The following KLHL6 variants were observed in gnomAD, a reference collection of about 807,000 sequenced individuals.
KLHL6 encodes kelch-like protein 6.
A neutral mutation model predicts 58.6 loss-of-function variants in KLHL6; 41 were observed. The ratio of observed to expected loss-of-function variants is 0.70; its 90% CI spans 0.55 to 0.91. The LOEUF (loss-of-function observed/expected upper bound fraction) is 0.91. Among genes scored for constraint, KLHL6 ranks in the 40% least tolerant of loss-of-function variants. The pLI is 0.00. For missense variants in KLHL6, 714 were observed against 805.6 expected (o/e 0.89, Z 1.38); for synonymous variants, 338 against 322.7 (o/e 1.05, Z -0.51).
At chr3:183,547,907 G>A (rs1255305750) in intron 1 of KLHL6, among the ~76,000 whole-genome samples, 1 of 152,120 alleles carries the variant, frequency 6.6e-6, no homozygotes, top group East Asian at 1.9e-4. Context: ...TGACCCCTCA[G>A]CTCCCCAAGA....
intron 3 of KLHL6, among the ~76,000 whole-genome samples, chr3:183,504,786 A>G (rs953321433): frequency 6.6e-6 from 1 of 152,176 alleles, no homozygotes; most frequent in African/African-American, 2.4e-5. Flanking sequence ...AGATTATTTC[A>G]TCATCCGTAT....
intron 5 of KLHL6, chr3:183,493,632 G>A (rs1717632411): frequency 6.0e-6 from 1 of 165,352 alleles, no homozygotes; most frequent in Non-Finnish European, 1.3e-5. Context: ...TCATCCATGG[G>A]AAAATAAAGA....
intron 2 of KLHL6, among the ~76,000 whole-genome samples, chr3:183,527,043 G>A (rs1711996057): frequency 6.6e-6 from 1 of 151,902 alleles, no homozygotes; most frequent in Non-Finnish European, 1.5e-5. Context: ...AGGTTGCAGG[G>A]GGCCAAGATG....
At position 183,491,934 on chromosome 3, in the gene KLHL6, G is replaced by C; in HGVS notation, c.1859C>G (p.Ser620Cys). 6.7e-7 allele frequency: 1 copy of C among 1,488,904 alleles called. No homozygotes were observed. Among genetic ancestry groups the C allele is most frequent in the Non-Finnish European group, 9.0e-7 (1 of 1,116,122 alleles). 92.2% of individuals were successfully genotyped at this position (1,488,904 alleles called of 1,614,324 possible). Residue 620 changes from serine to cysteine, a missense_variant, in exon 7 of 7, where the codon TCT becomes TGT. By Grantham distance (112) the Ser-to-Cys change is moderately radical. Around this residue, in one of 2 missense-constraint regions of KLHL6, gnomAD observed 510 missense variants for 629.7 expected, o/e 0.81. Transcript: ENST00000341319. Reference sequence around the variant, plus strand: ...CAGCTCCCCATCCTGCCGTCAGACAGACACTGCTCCGGGCACGATCCTGCG... The same window carrying C: ...CAGCTCCCCATCCTGCCGTCAGACACACACTGCTCCGGGCACGATCCTGCG... ...HIRRIVPGAV[S>C]V
At chr3:183,541,021 G>T (rs1186723273) in intron 1 of KLHL6, among the ~76,000 whole-genome samples, 1 of 152,196 alleles carries the variant, frequency 6.6e-6, no homozygotes, top group Non-Finnish European at 1.5e-5. Context: ...GGACTCTGTG[G>T]CTTCCCTGTG....
At chr3:183,542,699 T>C (rs1163858475) in intron 1 of KLHL6, among the ~76,000 whole-genome samples, 2 of 152,170 alleles carry the variant, frequency 1.3e-5, no homozygotes, top group East Asian at 3.8e-4. Context: ...TCATAGCACT[T>C]ATCACCCTGT....
At chr3:183,515,438 C>T (rs1711533760) in intron 2 of KLHL6, among the ~76,000 whole-genome samples, 1 of 152,130 alleles carries the variant, frequency 6.6e-6, no homozygotes. Flanking sequence ...GTCCCAGCTA[C>T]TTGGGAAGCT....
intron 1 of KLHL6, among the ~76,000 whole-genome samples, chr3:183,546,176 G>A (rs1453923200): frequency 6.6e-6 from 1 of 152,314 alleles, no homozygotes; most frequent in Admixed American, 6.5e-5. Context: ...GCAGAGGAGT[G>A]AACGTGCTAA....
At chr3:183,535,539 C>T (rs540180934) in intron 1 of KLHL6, among the ~76,000 whole-genome samples, 1 of 152,288 alleles carries the variant, frequency 6.6e-6, no homozygotes, top group African/African-American at 2.4e-5. Flanking sequence ...TCTCTAGAGA[C>T]CCACCAACAT....
rs147040413 is a variant in KLHL6 at position 183,545,280 on chromosome 3, G to A, written c.293+10081C>T. On this transcript the variant is annotated intron_variant, in intron 1 of 6. Coordinates refer to ENST00000341319, the MANE Select transcript of KLHL6 (RefSeq NM_130446.4). ...ATGAGGCAGCGCAAATGGATGTTGC[G>A]CTCATGGCAGTTTTACCAAAAACAC... Among the ~76,000 whole-genome samples the A allele has an allele frequency of 7.9e-5, 12 of 152,308 alleles. No individual in the cohort carries two copies. The South Asian group carries it at 1.2e-3, about 16-fold the overall frequency.
At chr3:183,509,554 G>A (rs551432407) in intron 2 of KLHL6, among the ~76,000 whole-genome samples, 53 of 152,294 alleles carry the variant, frequency 3.5e-4, no homozygotes, top group Middle Eastern at 3.4e-3. Context: ...CGTCTCAGGG[G>A]CTTACAATAA....
chr3:183,528,868 T>A (rs1712065001), intron 1 of KLHL6, among the ~76,000 whole-genome samples: 2 of 152,162 alleles, frequency 1.3e-5, no homozygotes, highest in Admixed American at 1.3e-4. Flanking sequence ...TGCAGCACTA[T>A]TCGCAATAGC....
chr3:183,501,803 C>T (rs764899814), intron 3 of KLHL6, among the ~76,000 whole-genome samples: 1 of 152,212 alleles, frequency 6.6e-6, no homozygotes, highest in Non-Finnish European at 1.5e-5. Context: ...TCACTTTGCC[C>T]TTTTCTCCAG....
chr3:183,528,068 G>C, intron 1 of KLHL6, 58 bp from the exon 2 acceptor site: 1 of 1,593,776 alleles, frequency 6.3e-7, no homozygotes, highest in Non-Finnish European at 8.6e-7. Flanking sequence ...CAGGCCTAAA[G>C]AGATCCCCTT....
At chr3:183,525,336 A>T (rs1031517514) in intron 2 of KLHL6, among the ~76,000 whole-genome samples, 18 of 150,986 alleles carry the variant, frequency 1.2e-4, no homozygotes, top group African/African-American at 4.4e-4. Context: ...CGGGGGGGAA[A>T]ATTTAGGAAT....
intron 1 of KLHL6, among the ~76,000 whole-genome samples, chr3:183,529,588 A>T (rs1426175591): frequency 6.6e-6 from 1 of 152,168 alleles, no homozygotes; most frequent in Non-Finnish European, 1.5e-5. Flanking sequence ...TTGTAATCCC[A>T]GCACTTTGGA....
At chr3:183,519,187 C>T (rs929434994) in intron 2 of KLHL6, among the ~76,000 whole-genome samples, 3 of 152,158 alleles carry the variant, frequency 2.0e-5, no homozygotes, top group Non-Finnish European at 4.4e-5. Flanking sequence ...ATGGAAGTGT[C>T]TTTTGTCTTG....
chr3:183,513,072 A>C (rs937020665), intron 2 of KLHL6, among the ~76,000 whole-genome samples: 1 of 152,224 alleles, frequency 6.6e-6, no homozygotes, highest in Admixed American at 6.5e-5. Flanking sequence ...AGTTTGTTGT[A>C]TGACAACTTT....
At chr3:183,530,706 T>C (rs908955300) in intron 1 of KLHL6, among the ~76,000 whole-genome samples, 7 of 152,042 alleles carry the variant, frequency 4.6e-5, no homozygotes, top group African/African-American at 7.2e-5. Flanking sequence ...TATGGAATTA[T>C]AGGAACAGAA....
Sources: gnomAD v4.1 joint callset for allele counts (sites outside exome capture counted in the v4.1 genomes callset) on GRCh38, gnomAD v4.1.1 for gene constraint, gnomAD v4.1.1 regional missense constraint, MANE v1.5 for transcripts, NCBI Gene and HGNC (gene_info 2026-07-23, HGNC 2026-07-21) for gene names.